The following GOSR1 variants were observed in gnomAD, a reference collection of about 807,000 sequenced individuals.
The protein encoded by GOSR1 is golgi SNAP receptor complex member 1, also known as 28 kDa Golgi SNARE protein.
GOSR1 carries 21 observed loss-of-function variants against 35.5 expected under a neutral mutation model. That is an observed-to-expected ratio of 0.59 (90% confidence interval 0.42 to 0.85). The LOEUF (loss-of-function observed/expected upper bound fraction) is 0.85. Ranked by LOEUF, GOSR1 falls within the 40% of genes least tolerant of loss-of-function variation. GOSR1 has a pLI of 0.00. For missense variants in GOSR1, 285 were observed against 309.6 expected (o/e 0.92, Z 0.60); for synonymous variants, 94 against 106.6 (o/e 0.88, Z 0.73).
intron 6 of GOSR1, among the ~76,000 whole-genome samples, chr17:30,504,340 T>G (rs144448001): frequency 6.6e-6 from 1 of 152,274 alleles, no homozygotes; most frequent in Non-Finnish European, 1.5e-5. Context: ...TGGTTTCATT[T>G]TCAAGTGAAT....
chr17:30,500,252 T>C (rs921651450), intron 6 of GOSR1, among the ~76,000 whole-genome samples: 1 of 152,200 alleles, frequency 6.6e-6, no homozygotes, highest in African/African-American at 2.4e-5. Flanking sequence ...TTGGCTATCC[T>C]AAGGTTACAG....
chr17:30,489,641 G>A (rs1914896311), intron 4 of GOSR1, among the ~76,000 whole-genome samples: 1 of 152,056 alleles, frequency 6.6e-6, no homozygotes, highest in Non-Finnish European at 1.5e-5. Context: ...TTTAACAGTG[G>A]TACAAAAATA....
intron 4 of GOSR1, among the ~76,000 whole-genome samples, chr17:30,485,304 T>C (rs900833935): frequency 2.6e-5 from 4 of 151,794 alleles, no homozygotes; most frequent in Non-Finnish European, 5.9e-5. Flanking sequence ...GGTTTCTCTG[T>C]CACTCAGGCT....
At chr17:30,495,896 T>C (rs999392300) in intron 6 of GOSR1, among the ~76,000 whole-genome samples, 1 of 152,162 alleles carries the variant, frequency 6.6e-6, no homozygotes, top group African/African-American at 2.4e-5. Flanking sequence ...CTATTAAATA[T>C]TTTCAACCTC....
At chr17:30,484,825 T>G in intron 4 of GOSR1, 55 bp downstream of exon 4, 1 of 927,454 alleles carries the variant, frequency 1.1e-6, no homozygotes, top group Non-Finnish European at 1.8e-6. Flanking sequence ...GGTTTTTTTT[T>G]TTTTAATCCC....
At chr17:30,512,407 T>C (rs1967647489) in intron 7 of GOSR1, among the ~76,000 whole-genome samples, 1 of 152,220 alleles carries the variant, frequency 6.6e-6, no homozygotes, top group African/African-American at 2.4e-5. Flanking sequence ...ATATACCCTT[T>C]ACCCAACTTC....
At chr17:30,487,402 C>T (rs1376492530) in intron 4 of GOSR1, among the ~76,000 whole-genome samples, 2 of 152,034 alleles carry the variant, frequency 1.3e-5, no homozygotes, top group Admixed American at 1.3e-4. Context: ...CTAAATAAGA[C>T]TTGATACTGG....
chr17:30,521,120 C>T (rs2143937657), intron 8 of GOSR1, among the ~76,000 whole-genome samples: 1 of 150,408 alleles, frequency 6.6e-6, no homozygotes, highest in South Asian at 2.1e-4. Context: ...TCTTTGTGAC[C>T]TCTTCTCTAC....
chr17:30,484,984 GA>G, intron 4 of GOSR1: 1 of 565,584 alleles, frequency 1.8e-6, no homozygotes, highest in Non-Finnish European at 3.2e-6. Context: ...ATTTCTTGGC[GA>G]AGTTGAGTAA....
At chr17:30,503,862 T>C (rs1967302927) in intron 6 of GOSR1, among the ~76,000 whole-genome samples, 1 of 152,200 alleles carries the variant, frequency 6.6e-6, no homozygotes. Context: ...GCAGGACTCC[T>C]GCGTACTCAT....
chr17:30,487,206 T>G (rs1341761665), intron 4 of GOSR1, among the ~76,000 whole-genome samples: 1 of 152,146 alleles, frequency 6.6e-6, no homozygotes, highest in South Asian at 2.1e-4. Flanking sequence ...TTAAAATCAG[T>G]GGGGCAAAGA....
intron 2 of GOSR1, chr17:30,482,833 G>T (rs929642083): frequency 1.3e-5 from 2 of 152,170 alleles, no homozygotes; most frequent in African/African-American, 4.8e-5. Context: ...AATGAAGAAT[G>T]TTCTTTCTAT....
intron 5 of GOSR1, among the ~76,000 whole-genome samples, chr17:30,491,060 G>GT (rs1462690298): frequency 6.6e-6 from 1 of 152,076 alleles, no homozygotes; most frequent in African/African-American, 2.4e-5. Flanking sequence ...TTATTTTATT[G>GT]TAACAGTAAC....
intron 2 of GOSR1, among the ~76,000 whole-genome samples, chr17:30,483,960 C>A (rs565263496): frequency 6.6e-6 from 1 of 152,178 alleles, no homozygotes; most frequent in African/African-American, 2.4e-5. Flanking sequence ...GCTAGTTATC[C>A]AATCTGTGGA....
intron 8 of GOSR1, among the ~76,000 whole-genome samples, chr17:30,520,925 A>C (rs764621337): frequency 1.8e-4 from 28 of 152,208 alleles, no homozygotes; most frequent in Non-Finnish European, 3.5e-4. Flanking sequence ...GAGTGCTGTT[A>C]TATACATTAT....
intron 4 of GOSR1, among the ~76,000 whole-genome samples, chr17:30,486,519 CAAA>C (rs534373224): frequency 4.1e-5 from 4 of 97,764 alleles, no homozygotes; most frequent in Non-Finnish European, 4.3e-5. Context: ...GTGACTGTTT[CAAA>C]AAAAAAAAAA....
intron 2 of GOSR1, among the ~76,000 whole-genome samples, chr17:30,481,511 T>A (rs1490934631): frequency 6.6e-6 from 1 of 152,124 alleles, no homozygotes; most frequent in Non-Finnish European, 1.5e-5. Context: ...CAGAATAAGT[T>A]TGTATCAAAA....
chr17:30,504,987 C>T (rs1392141682), intron 6 of GOSR1, among the ~76,000 whole-genome samples: 1 of 152,158 alleles, frequency 6.6e-6, no homozygotes, highest in Non-Finnish European at 1.5e-5. Flanking sequence ...GTGTGAAGTG[C>T]TTGGCTTTGT....
intron 7 of GOSR1, 79 bp downstream of exon 7, chr17:30,510,988 T>G: frequency 1.2e-6 from 1 of 818,068 alleles, no homozygotes; most frequent in South Asian, 1.6e-5. Flanking sequence ...TACAGCTGTT[T>G]TAGAATTAAA....
Sources: allele counts gnomAD v4.1 joint callset (sites outside exome capture counted in the v4.1 genomes callset), GRCh38; gene constraint gnomAD v4.1.1; transcripts MANE v1.5; gene names NCBI Gene and HGNC (gene_info 2026-07-23, HGNC 2026-07-21).